DSC3: variants seen among roughly 807,000 people sequenced by gnomAD.
DSC3 encodes desmocollin-3.
Under a neutral mutation model 89.5 loss-of-function variants are expected in DSC3, and 97 were observed. The observed-to-expected ratio is 1.08, with a 90% CI of 0.92 to 1.28. The LOEUF (loss-of-function observed/expected upper bound fraction) is 1.28. Ranked by LOEUF, DSC3 falls within the 50% of genes most tolerant of loss-of-function variation. DSC3 has a pLI of 0.00. For synonymous variants in DSC3, 436 were observed against 384.1 expected (o/e 1.14, Z -1.58); for missense variants, 1,199 against 1,085.3 (o/e 1.10, Z -1.47).
chr18:31,037,516 A>T (rs1986008225), intron 1 of DSC3, among the ~76,000 whole-genome samples: 1 of 152,178 alleles, frequency 6.6e-6, no homozygotes, highest in Non-Finnish European at 1.5e-5. Context: ...ATATTTTTAC[A>T]GTTTTGCCAT....
rs529361616 is a variant in DSC3, at chr18:30,998,480, C to T, written c.2236-1432G>A. Among the ~76,000 whole-genome samples, 12 of 152,046 alleles carry T rather than the reference C, an allele frequency of 7.9e-5. No homozygotes were observed. In the South Asian group the frequency reaches 8.3e-4, roughly 11 times the overall value. On this transcript the variant is annotated intron_variant, in intron 14 of 15. Transcript: ENST00000360428. ...TGTCCAAGATGAATATATGAATATG[C>T]GGATTTGGAACTCAGATGAGAGATT...
intron 9 of DSC3, among the ~76,000 whole-genome samples, chr18:31,011,360 G>A (rs767349143): frequency 3.7e-4 from 57 of 152,270 alleles, no homozygotes; most frequent in African/African-American, 1.1e-3. Flanking sequence ...AAAAGGAGAC[G>A]CTAACTAGTA....
intron 9 of DSC3, among the ~76,000 whole-genome samples, chr18:31,011,909 C>T (rs550415343): frequency 9.0e-5 from 11 of 121,626 alleles, no homozygotes; most frequent in Admixed American, 3.3e-4. Flanking sequence ...AGGAGAATTG[C>T]GACAGCAAAT....
In DSC3 at chr18:31,004,807, T is replaced by G. The variant is rs1285766220; in HGVS notation, c.1889-441A>C. On this transcript the variant is annotated intron_variant, in intron 12 of 15. Transcript: ENST00000360428. ...AGGTAATTTTTCAAAGCACAATAGA[T>G]TGTTTACGATTAACACCTTTGCATC... Among the ~76,000 whole-genome samples, 3 of 152,204 alleles carry G rather than the reference T, an allele frequency of 2.0e-5. No homozygotes were observed. In the East Asian group the frequency reaches 5.8e-4, roughly 29 times the overall value.
Position 30,993,901 on chromosome 18 carries a change from AC to A in DSC3, c.*273del, listed in dbSNP as rs1984359740. The stretch of plus-strand genomic sequence containing the variant: ...CTAATATTTATCCAGCATATTTATT[AC>A]TAAAATATCCGTAAAAAAAAAAAAG... On this transcript the variant is annotated 3_prime_UTR_variant, in exon 16 of 16. Transcript: ENST00000360428. 1 of 326,480 alleles carries A rather than the reference AC, an allele frequency of 3.1e-6. No individual in the cohort carries two copies. The highest frequency in any genetic ancestry group is 2.2e-5 in the African/African-American group (1 of 45,602). 20.2% of individuals were successfully genotyped at this position (326,480 alleles called of 1,614,324 possible). A position where few individuals can be genotyped will look rare whatever the true frequency, so the allele number is the denominator to read the frequency against.
intron 9 of DSC3, among the ~76,000 whole-genome samples, chr18:31,015,956 A>G (rs1485618023): frequency 6.6e-6 from 1 of 152,132 alleles, no homozygotes; most frequent in Admixed American, 6.6e-5. Context: ...TTAAACCAAG[A>G]AGATGAGGAC....
intron 1 of DSC3, among the ~76,000 whole-genome samples, chr18:31,042,378 C>T (rs936292191): frequency 2.0e-5 from 3 of 152,206 alleles, no homozygotes; most frequent in African/African-American, 7.2e-5. Context: ...CACCTTGTCT[C>T]AAAACAAAAA....
intron 11 of DSC3, 124 bp from the exon 12 acceptor site, chr18:31,007,255 G>A (rs1205386646): frequency 2.9e-6 from 2 of 686,050 alleles, no homozygotes; most frequent in African/African-American, 3.6e-5. Context: ...TAAAGGAAAT[G>A]ATAAATAAAT....
At chr18:31,008,981 C>T (rs190078795) in intron 9 of DSC3, among the ~76,000 whole-genome samples, 145 of 152,288 alleles carry the variant, frequency 9.5e-4, no homozygotes, top group African/African-American at 3.0e-3. Context: ...TTGACTTTCA[C>T]AAAACCAAAA....
At chr18:31,032,143 C>A (rs1215152951) in intron 2 of DSC3, 49 bp downstream of exon 2, 3 of 1,316,252 alleles carry the variant, frequency 2.3e-6, no homozygotes, top group African/African-American at 2.9e-5. Context: ...CTCTTTCCAG[C>A]CTATGTAAAC....
intron 1 of DSC3, among the ~76,000 whole-genome samples, chr18:31,037,536 G>A (rs1316793967): frequency 1.3e-5 from 2 of 152,102 alleles, no homozygotes; most frequent in Admixed American, 6.6e-5. Flanking sequence ...TTAATTATGA[G>A]TCTTTTTCTT....
Position 31,022,608 on chromosome 18 carries a change from C to T in DSC3, c.776-106G>A, listed in dbSNP as rs956223914. On this transcript the variant is annotated intron_variant, in intron 6 of 15. Coordinates refer to ENST00000360428, the MANE Select transcript of DSC3 (RefSeq NM_001941.5). ...TTAACAGTGATGATAGAAACCTAAT[C>T]TAAAATGTATTTATTACCAGAGTAT... 1.1e-5 allele frequency: 14 copies of T among 1,317,448 alleles called. No individual in the cohort carries two copies. The African/African-American group carries it at 2.1e-4, about 19-fold the overall frequency. 81.6% of individuals were successfully genotyped at this position (1,317,448 alleles called of 1,614,324 possible). A position where few individuals can be genotyped will look rare whatever the true frequency, so the allele number is the denominator to read the frequency against.
intron 14 of DSC3, among the ~76,000 whole-genome samples, chr18:31,001,089 G>GTGTATATATATC: frequency 7.9e-6 from 1 of 126,046 alleles, no homozygotes. Context: ...TTGTGTGTGT[G>GTGTATATATATC]TATATATATA....
chr18:30,996,851 C>T lies in DSC3; in HGVS notation c.2433G>A (p.Val811=). Residue 811 remains valine (V), a synonymous_variant, in exon 15 of 16, where the codon GTG becomes GTA. Transcript: ENST00000360428. ...LDSCRGGHTE[V]DNCRYTYSEW... ...CCGAGTAAGTGTATCTGCAGTTGTC[C>T]ACCTCCGTGTGTCCTCCCCTGCAGG... is the stretch of plus-strand genomic sequence containing the variant. 2.5e-6 allele frequency: 4 copies of T among 1,613,596 alleles called. No homozygotes were observed. The highest frequency in any genetic ancestry group is 2.2e-5 in the East Asian group (1 of 44,850).
At chr18:31,004,937 G>C (rs1366875994) in intron 12 of DSC3, among the ~76,000 whole-genome samples, 1 of 152,114 alleles carries the variant, frequency 6.6e-6, no homozygotes, top group African/African-American at 2.4e-5. Flanking sequence ...TATCAACTCT[G>C]ATAGTCAATT....
rs1316702605 is a variant in DSC3 at position 31,029,388 on chromosome 18, A to G, written c.474+121T>C. On this transcript the variant is annotated intron_variant, in intron 4 of 15. Coordinates refer to ENST00000360428, the MANE Select transcript of DSC3 (RefSeq NM_001941.5). ...TTTTCTTTCTCATTTTACTTTTGTT[A>G]CACCTCATGAACATCTTTAATCAGA... is the stretch of plus-strand genomic sequence containing the variant. 3.1e-6 allele frequency: 4 copies of G among 1,276,444 alleles called. No individual in the cohort carries two copies. The African/African-American group carries it at 6.0e-5, about 19-fold the overall frequency. 79.1% of individuals were successfully genotyped at this position (1,276,444 alleles called of 1,614,324 possible). A position where few individuals can be genotyped will look rare whatever the true frequency, so the allele number is the denominator to read the frequency against.
chr18:31,028,725 A>G (rs997785495), intron 4 of DSC3, among the ~76,000 whole-genome samples: 1 of 152,168 alleles, frequency 6.6e-6, no homozygotes, highest in African/African-American at 2.4e-5. Flanking sequence ...AATGGTTTCA[A>G]TTGTGCATGT....
chr18:31,007,202 A>G, intron 11 of DSC3, 71 bp from the exon 12 acceptor site: 1 of 1,081,602 alleles, frequency 9.2e-7, no homozygotes, highest in Non-Finnish European at 1.4e-6. Flanking sequence ...ATAAAAAGTC[A>G]ATTATATTCT....
In DSC3 at chr18:31,024,431, G is replaced by C. The variant is rs1002742715; in HGVS notation, c.693C>G (p.Ile231Met). 2 of 1,611,594 alleles carry C rather than the reference G, an allele frequency of 1.2e-6. No individual in the cohort carries two copies. Among genetic ancestry groups the C allele is most frequent in the Non-Finnish European group, 1.7e-6 (2 of 1,178,362 alleles). Residue 231 changes from isoleucine (I) to methionine (M), a missense_variant, in exon 6 of 16, where the codon ATC becomes ATG. Coordinates refer to ENST00000360428, the MANE Select transcript of DSC3 (RefSeq NM_001941.5). ...YSADLPLPLPIRVEDENDNHP... is the reference protein window; with the variant it reads ...YSADLPLPLPMRVEDENDNHP... ...GGTTGTCATTTTCATCCTCTACCCTGATGGGTAGTGGGAGGGGCAGATCTG... is the reference window on the plus strand; with the variant it reads ...GGTTGTCATTTTCATCCTCTACCCTCATGGGTAGTGGGAGGGGCAGATCTG...
Sources: allele counts gnomAD v4.1 joint callset (sites outside exome capture counted in the v4.1 genomes callset), GRCh38; gene constraint gnomAD v4.1.1; transcripts MANE v1.5; gene names NCBI Gene and HGNC (gene_info 2026-07-23, HGNC 2026-07-21).